The following CLIC6 variants were observed in gnomAD, a reference collection of about 807,000 sequenced individuals.
CLIC6 encodes chloride intracellular channel protein 6.
CLIC6 carries 39 observed loss-of-function variants against 49.2 expected under a neutral mutation model. The observed-to-expected ratio is 0.79, with a 90% CI of 0.61 to 1.04. CLIC6 has a LOEUF of 1.04. Ranked by LOEUF, CLIC6 falls within the 50% of genes least tolerant of loss-of-function variation. CLIC6 has a pLI of 0.00. For missense variants in CLIC6, 988 were observed against 993.1 expected, an observed-to-expected ratio of 0.99 and a Z score of 0.07; for synonymous variants, 446 against 433.4, an observed-to-expected ratio of 1.03 and a Z score of -0.36.
At chr21:34,691,552 G>GA (rs36126307) in intron 1 of CLIC6, among the ~76,000 whole-genome samples, 57,538 of 145,972 alleles carry the variant, frequency 0.39, 12,196 homozygotes, top group African/African-American at 0.58. Flanking sequence ...CTGTGGCCAG[G>GA]AAAAAAAAAA....
intron 1 of CLIC6, among the ~76,000 whole-genome samples, chr21:34,690,926 G>A (rs964074185): frequency 2.7e-5 from 4 of 149,326 alleles, no homozygotes; most frequent in Admixed American, 6.7e-5. Flanking sequence ...GCCCAGACTT[G>A]GCCAGTCAGG....
intron 5 of CLIC6, among the ~76,000 whole-genome samples, chr21:34,710,154 T>C (rs1198861409): frequency 2.0e-5 from 3 of 151,560 alleles, no homozygotes; most frequent in African/African-American, 7.3e-5. Context: ...GGTGTGTGCC[T>C]GTAGTCCCAG....
rs2056084218 is a variant in CLIC6, at chr21:34,716,189, C to A, written c.1900-132C>A. The A allele has an allele frequency of 1.2e-5, 9 of 746,872 alleles. No individual in the cohort carries two copies. In the South Asian group the frequency reaches 1.6e-4, roughly 13 times the overall value. 46.3% of individuals were successfully genotyped at this position (746,872 alleles called of 1,614,324 possible). A position where few individuals can be genotyped will look rare whatever the true frequency, so the allele number is the denominator to read the frequency against. On this transcript the variant is annotated intron_variant, in intron 5 of 5. Transcript: ENST00000349499. ...CAAGTCAAGATGCCGTGGTGGGTAG[C>A]CCGGATGACTGTGGGATGACATGGG...
intron 1 of CLIC6, among the ~76,000 whole-genome samples, chr21:34,671,088 G>A (rs1049624764): frequency 7.3e-6 from 1 of 136,914 alleles, no homozygotes. Flanking sequence ...AGCCCTCCTA[G>A]TCAGGAGGTT....
intron 1 of CLIC6, among the ~76,000 whole-genome samples, chr21:34,677,388 A>G (rs1989693996): frequency 1.3e-5 from 2 of 152,250 alleles, no homozygotes; most frequent in Non-Finnish European, 2.9e-5. Context: ...GTACTACAGT[A>G]TGGTATTTAA....
rs1027038138 is a variant in CLIC6 at position 34,670,662 on chromosome 21, G to A, written c.1274G>A (p.Gly425Asp). Residue 425 changes from glycine (G) to aspartate (D), a missense_variant, in exon 1 of 6, where the codon GGT becomes GAT. By Grantham distance (94) the Gly-to-Asp change is moderately conservative (BLOSUM62 -1). This residue lies in a region of CLIC6 where 647 missense variants were observed against 596.9 expected (regional missense o/e 1.08). Coordinates refer to ENST00000349499, the MANE Select transcript of CLIC6 (RefSeq NM_053277.3). The stretch of plus-strand genomic sequence containing the variant: ...CTGGCCGAGGAGGGCCCCGCCGAGG[G>A]TAGCGGCGAGGCCGCGCGCGTGAAC... ...NHLAEEGPAEGSGEAARVNGR... is the reference protein window; with the variant it reads ...NHLAEEGPAEDSGEAARVNGR... The A allele has an allele frequency of 1.3e-6, 2 of 1,568,576 alleles. No homozygotes were observed. Among genetic ancestry groups the A allele is most frequent in the African/African-American group, 2.7e-5 (2 of 73,942 alleles).
At chr21:34,711,528 CAAAT>C (rs35370301) in intron 5 of CLIC6, among the ~76,000 whole-genome samples, 30,572 of 147,918 alleles carry the variant, frequency 0.21, 3,394 homozygotes, top group South Asian at 0.3. Flanking sequence ...AATAAACAAA[CAAAT>C]AAATAAATAA....
chr21:34,687,452 A>G lies in CLIC6; in HGVS notation c.1374+16690A>G, dbSNP rs144897274. On this transcript the variant is annotated intron_variant, in intron 1 of 5. Coordinates refer to ENST00000349499, the MANE Select transcript of CLIC6 (RefSeq NM_053277.3). ...AAAGCTTCAGTTGGTATCAGGCCAT[A>G]TTATTAAATATGGATTAAAAATAGC... 7.2e-3 allele frequency among the ~76,000 whole-genome samples: 1,092 copies of G among 152,320 alleles called. 9 individuals carry two copies. The highest frequency in any genetic ancestry group is 0.012 in the Non-Finnish European group (815 of 68,012).
At chr21:34,710,613 A>G (rs2056050003) in intron 5 of CLIC6, among the ~76,000 whole-genome samples, 1 of 152,200 alleles carries the variant, frequency 6.6e-6, no homozygotes, top group Non-Finnish European at 1.5e-5. Context: ...GGAGATCGAG[A>G]CCATCCTGGC....
At chr21:34,674,288 C>T (rs140702742) in intron 1 of CLIC6, among the ~76,000 whole-genome samples, 23 of 152,282 alleles carry the variant, frequency 1.5e-4, no homozygotes, top group Middle Eastern at 6.8e-3. Context: ...ACAGAGGTCT[C>T]ACTTTTTTGC....
intron 1 of CLIC6, among the ~76,000 whole-genome samples, chr21:34,689,688 C>T (rs1000972449): frequency 3.3e-5 from 5 of 151,970 alleles, no homozygotes; most frequent in Admixed American, 3.3e-4. Flanking sequence ...CTAAACTCCC[C>T]AGTGCAGGCT....
intron 1 of CLIC6, among the ~76,000 whole-genome samples, chr21:34,698,530 G>A (rs577965003): frequency 6.6e-6 from 1 of 152,132 alleles, no homozygotes; most frequent in African/African-American, 2.4e-5. Flanking sequence ...AGCAAGGAAT[G>A]AAAGAGAAAG....
chr21:34,689,671 A>G (rs1458720032), intron 1 of CLIC6, among the ~76,000 whole-genome samples: 2 of 151,280 alleles, frequency 1.3e-5, no homozygotes, highest in Non-Finnish European at 2.9e-5. Context: ...ACACAGCTCC[A>G]GGGGCACTAA....
rs1049524401 is a variant in CLIC6 at position 34,670,390 on chromosome 21, G to T, written c.1002G>T (p.Ala334=). ...TCGCCTGGGACGCAGCGGAGGAGGCGGAGGTCCCGGGGGTAAAGGGGTCCG... is the reference window on the plus strand; with the variant it reads ...TCGCCTGGGACGCAGCGGAGGAGGCTGAGGTCCCGGGGGTAAAGGGGTCCG... ...GELAWDAAEE[A]EVPGVKGSEE... The change falls in exon 1 of 6, where the codon GCG becomes GCT. Residue 334 remains alanine (A), a synonymous_variant. Coordinates refer to ENST00000349499, the MANE Select transcript of CLIC6 (RefSeq NM_053277.3). The T allele has an allele frequency of 6.9e-7, 1 of 1,455,556 alleles. No homozygotes were observed. The highest frequency in any genetic ancestry group is 9.0e-7 in the Non-Finnish European group (1 of 1,105,004). The allele number at this position is 1,455,556 out of a possible 1,614,324, so 90.2% of individuals were successfully genotyped here. A position where few individuals can be genotyped will look rare whatever the true frequency, so the allele number is the denominator to read the frequency against.
At chr21:34,710,246 C>T (rs1286307398) in intron 5 of CLIC6, among the ~76,000 whole-genome samples, 5 of 152,124 alleles carry the variant, frequency 3.3e-5, no homozygotes, top group Non-Finnish European at 2.9e-5. Context: ...GCACTGCACT[C>T]TGGCCTGGGT....
At chr21:34,689,480 C>A (rs931127250) in intron 1 of CLIC6, among the ~76,000 whole-genome samples, 10 of 152,182 alleles carry the variant, frequency 6.6e-5, no homozygotes, top group Non-Finnish European at 1.0e-4. Context: ...TATCTCACTA[C>A]CATTCGGAGT....
At chr21:34,709,312 G>A (rs2056039036) in intron 4 of CLIC6, 45 bp from the exon 5 acceptor site, 2 of 1,548,200 alleles carry the variant, frequency 1.3e-6, no homozygotes, top group Admixed American at 1.8e-5. Context: ...AAAGTGACAT[G>A]CACTTGCAAA....
intron 1 of CLIC6, among the ~76,000 whole-genome samples, chr21:34,701,304 G>A (rs1258771015): frequency 4.1e-5 from 3 of 73,564 alleles, no homozygotes; most frequent in African/African-American, 2.6e-4. Flanking sequence ...GCGAGGCTCC[G>A]TCTCAAAAAA....
chr21:34,708,192 T>G lies in CLIC6; in HGVS notation c.1610+123T>G, dbSNP rs187671637. 127 of 1,147,168 alleles carry G rather than the reference T, an allele frequency of 1.1e-4. No homozygotes were observed. In the East Asian group the frequency reaches 2.2e-3, roughly 20 times the overall value. 71.1% of individuals were successfully genotyped at this position (1,147,168 alleles called of 1,614,324 possible). A position where few individuals can be genotyped will look rare whatever the true frequency, so the allele number is the denominator to read the frequency against. On this transcript the variant is annotated intron_variant, in intron 3 of 5. Coordinates refer to ENST00000349499, the MANE Select transcript of CLIC6 (RefSeq NM_053277.3). Reference sequence around the variant, plus strand: ...CTGCAGCCCACGGTGCTCACTTCCTTAATCATAACCCTGGTGTAACCAGAT... The same window carrying G: ...CTGCAGCCCACGGTGCTCACTTCCTGAATCATAACCCTGGTGTAACCAGAT...
Sources: allele counts gnomAD v4.1 joint callset (sites outside exome capture counted in the v4.1 genomes callset), GRCh38; gene constraint gnomAD v4.1.1; regional missense constraint gnomAD v4.1.1; transcripts MANE v1.5; gene names NCBI Gene and HGNC (gene_info 2026-07-23, HGNC 2026-07-21).